PIGL: variants seen among roughly 807,000 people sequenced by gnomAD.
The protein encoded by PIGL is phosphatidylinositol glycan anchor biosynthesis class L.
In PIGL, 22 loss-of-function variants were observed where a neutral mutation model predicts 31.1. The ratio of observed to expected loss-of-function variants is 0.71; its 90% CI spans 0.51 to 1.01. PIGL has a LOEUF of 1.01. PIGL is among the 50% of genes least tolerant of loss of function. The pLI is 0.00. For missense variants in PIGL, 302 were observed against 315.9 expected (o/e 0.96, Z 0.33); for synonymous variants, 131 against 117.4 (o/e 1.12, Z -0.75).
At position 16,317,909 on chromosome 17, in the gene PIGL, G is replaced by T. The variant is rs768198327; in HGVS notation, c.660+1G>T. 1.9e-5 allele frequency: 31 copies of T among 1,611,300 alleles called. No individual in the cohort carries two copies. Among genetic ancestry groups the T allele is most frequent in the Non-Finnish European group, 8.5e-7 (1 of 1,179,880 alleles). Reference sequence around the variant, plus strand: ...CAGCAAAGAAGTGGCACAGGCCAAGGTGAGGATTGTAAATTCCTGGACACC... The same window carrying T: ...CAGCAAAGAAGTGGCACAGGCCAAGTTGAGGATTGTAAATTCCTGGACACC... On this transcript the variant is annotated splice_donor_variant, in intron 6 of 6. Transcript: ENST00000225609. LOFTEE classifies it high-confidence loss of function.
chr17:16,304,671 G>A (rs2093019393), intron 3 of PIGL, among the ~76,000 whole-genome samples: 1 of 152,156 alleles, frequency 6.6e-6, no homozygotes, highest in Non-Finnish European at 1.5e-5. Flanking sequence ...GCCTAGGGGG[G>A]TAGTAGTGTC....
chr17:16,291,117 G>A (rs760035824), intron 2 of PIGL, among the ~76,000 whole-genome samples: 2 of 152,184 alleles, frequency 1.3e-5, no homozygotes, highest in Non-Finnish European at 2.9e-5. Flanking sequence ...TACCATATGT[G>A]CATTCTTTTA....
chr17:16,315,416 C>T (rs2093071069), intron 4 of PIGL, among the ~76,000 whole-genome samples: 1 of 152,108 alleles, frequency 6.6e-6, no homozygotes, highest in African/African-American at 2.4e-5. Flanking sequence ...AGCTTGCCCT[C>T]CTCACTCTGG....
chr17:16,301,991 G>A (rs1189090247), intron 3 of PIGL, among the ~76,000 whole-genome samples: 3 of 152,062 alleles, frequency 2.0e-5, no homozygotes, highest in African/African-American at 7.2e-5. Context: ...GTGAGCCACT[G>A]CATCAGGCCC....
chr17:16,259,770 T>C (rs2092811707), intron 2 of PIGL, among the ~76,000 whole-genome samples: 1 of 152,074 alleles, frequency 6.6e-6, no homozygotes, highest in Non-Finnish European at 1.5e-5. Flanking sequence ...GGCTGCACAC[T>C]CCATGGAGCC....
At chr17:16,309,631 T>G (rs1015179612) in intron 3 of PIGL, among the ~76,000 whole-genome samples, 16 of 151,834 alleles carry the variant, frequency 1.1e-4, no homozygotes, top group Admixed American at 5.9e-4. Flanking sequence ...TGTGGTGGCA[T>G]GCACCTGTAA....
At chr17:16,323,800 G>C (rs1027463506) in intron 6 of PIGL, among the ~76,000 whole-genome samples, 1 of 150,870 alleles carries the variant, frequency 6.6e-6, no homozygotes, top group Non-Finnish European at 1.5e-5. Context: ...TGTATTTTCA[G>C]TAGAGATGGG....
intron 2 of PIGL, among the ~76,000 whole-genome samples, chr17:16,284,468 A>G (rs73287441): frequency 0.05 from 7,687 of 152,262 alleles, 657 homozygotes; most frequent in African/African-American, 0.17. Context: ...GGACTAACGA[A>G]TTAGGCACAA....
At chr17:16,231,065 T>G in intron 1 of PIGL, among the ~76,000 whole-genome samples, 1 of 126,236 alleles carries the variant, frequency 7.9e-6, no homozygotes, top group South Asian at 2.4e-4. Context: ...GTTTTGGTTT[T>G]TCTTTTTTTT....
intron 2 of PIGL, among the ~76,000 whole-genome samples, chr17:16,249,776 T>TC (rs2142724127): frequency 6.6e-6 from 1 of 152,262 alleles, no homozygotes; most frequent in Non-Finnish European, 1.5e-5. Context: ...TCCATGTGGG[T>TC]CCCCCACTGA....
intron 2 of PIGL, among the ~76,000 whole-genome samples, chr17:16,265,248 A>C (rs1208933137): frequency 6.6e-6 from 1 of 152,216 alleles, no homozygotes. Flanking sequence ...GGTGACCTTA[A>C]GGGTGCTGAT....
intron 5 of PIGL, chr17:16,316,959 T>G (rs2093080500): frequency 7.7e-7 from 1 of 1,291,516 alleles, no homozygotes; most frequent in Admixed American, 3.1e-5. Context: ...CTGTCTAGCT[T>G]TTTCACAGGG....
chr17:16,310,590 C>T (rs780885769), intron 3 of PIGL, among the ~76,000 whole-genome samples: 6 of 151,950 alleles, frequency 3.9e-5, no homozygotes, highest in Non-Finnish European at 7.4e-5. Flanking sequence ...AGGCTGGAGT[C>T]CAGTGGCGTG....
chr17:16,296,255 C>G (rs190200884), intron 2 of PIGL, among the ~76,000 whole-genome samples: 8 of 152,260 alleles, frequency 5.3e-5, no homozygotes, highest in Admixed American at 5.2e-4. Flanking sequence ...GCCTACCCCA[C>G]TTTGAAATCA....
chr17:16,233,930 TA>T lies in PIGL; in HGVS notation c.236-29del, dbSNP rs371823707. On this transcript the variant is annotated intron_variant, in intron 1 of 6. Coordinates refer to ENST00000225609, the MANE Select transcript of PIGL (RefSeq NM_004278.4). ...GAGTGAATAGATAGGTCTCCACTGT[TA>T]AAAAAAAAAAATCTACCACTGTATA... 132,583 of 832,566 alleles carry T rather than the reference TA, an allele frequency of 0.16. 556 individuals carry two copies. Among genetic ancestry groups the T allele is most frequent in the South Asian group, 0.23 (11,940 of 51,360 alleles). 51.6% of individuals were successfully genotyped at this position (832,566 alleles called of 1,614,324 possible).
chr17:16,307,337 C>T (rs1162051762), intron 3 of PIGL, among the ~76,000 whole-genome samples: 1 of 152,188 alleles, frequency 6.6e-6, no homozygotes, highest in East Asian at 1.9e-4. Flanking sequence ...ATAGGGTGTG[C>T]CAGTGCAGTA....
At chr17:16,253,679 C>T (rs1032164043) in intron 2 of PIGL, among the ~76,000 whole-genome samples, 5 of 152,160 alleles carry the variant, frequency 3.3e-5, no homozygotes, top group African/African-American at 1.2e-4. Context: ...CACAGTGGCT[C>T]ATGCCTGTAA....
chr17:16,321,386 A>G (rs540609566), intron 6 of PIGL, among the ~76,000 whole-genome samples: 23 of 151,766 alleles, frequency 1.5e-4, no homozygotes, highest in Non-Finnish European at 3.1e-4. Flanking sequence ...GATTACAGGC[A>G]TGGGCCACCA....
At chr17:16,310,981 T>C (rs1361945175) in intron 3 of PIGL, among the ~76,000 whole-genome samples, 1 of 152,234 alleles carries the variant, frequency 6.6e-6, no homozygotes, top group Non-Finnish European at 1.5e-5. Flanking sequence ...AAGATAGGGT[T>C]AATACTATGT....
Sources: gnomAD v4.1 joint callset for allele counts (sites outside exome capture counted in the v4.1 genomes callset) on GRCh38, gnomAD v4.1.1 for gene constraint, MANE v1.5 for transcripts, NCBI Gene and HGNC (gene_info 2026-07-23, HGNC 2026-07-21) for gene names.